CERS6: variants seen among roughly 807,000 people sequenced by gnomAD.
The protein encoded by CERS6 is ceramide synthase 6.
Under a neutral mutation model 56.8 loss-of-function variants are expected in CERS6, and 26 were observed. The observed-to-expected ratio is 0.46, with a 90% CI of 0.34 to 0.63. The LOEUF is 0.63. Ranked by LOEUF, CERS6 falls within the 30% of genes least tolerant of loss-of-function variation. The probability of loss-of-function intolerance (pLI) is 0.01; values close to 1 mark genes in which losing one functional copy is unlikely to be tolerated. For missense variants in CERS6, 415 were observed against 467.5 expected, an observed-to-expected ratio of 0.89 and a Z score of 1.04; for synonymous variants, 164 against 173.3, an observed-to-expected ratio of 0.95 and a Z score of 0.42.
At chr2:168,689,555 A>G (rs1686445016) in intron 4 of CERS6, among the ~76,000 whole-genome samples, 1 of 152,164 alleles carries the variant, frequency 6.6e-6, no homozygotes, top group Non-Finnish European at 1.5e-5. Flanking sequence ...CCTCCCAAGT[A>G]GTTTTATGCA....
At chr2:168,525,935 T>A (rs1020306376) in intron 1 of CERS6, among the ~76,000 whole-genome samples, 1 of 152,228 alleles carries the variant, frequency 6.6e-6, no homozygotes, top group Non-Finnish European at 1.5e-5. Flanking sequence ...CTTTGATATT[T>A]ACTTGCACAT....
intron 4 of CERS6, among the ~76,000 whole-genome samples, chr2:168,665,327 G>A (rs186914818): frequency 7.2e-5 from 11 of 151,998 alleles, no homozygotes; most frequent in Non-Finnish European, 1.3e-4. Flanking sequence ...ATTGAAATAC[G>A]GTGGGTATAA....
At chr2:168,583,624 G>A (rs1683473337) in intron 3 of CERS6, among the ~76,000 whole-genome samples, 1 of 152,160 alleles carries the variant, frequency 6.6e-6, no homozygotes, top group South Asian at 2.1e-4. Context: ...CCTTAATATT[G>A]TCAGGGTTGT....
At chr2:168,516,834 G>C (rs934933421) in intron 1 of CERS6, among the ~76,000 whole-genome samples, 20 of 152,062 alleles carry the variant, frequency 1.3e-4, no homozygotes, top group Non-Finnish European at 1.6e-4. Flanking sequence ...AGCCCATTTA[G>C]TTTCTGAACA....
At chr2:168,627,235 A>G (rs1287854572) in intron 3 of CERS6, among the ~76,000 whole-genome samples, 2 of 152,208 alleles carry the variant, frequency 1.3e-5, no homozygotes, top group African/African-American at 4.8e-5. Flanking sequence ...ATTATCCCTT[A>G]AAAACAAGAG....
At chr2:168,542,629 T>A (rs1481030259) in intron 1 of CERS6, among the ~76,000 whole-genome samples, 1 of 152,182 alleles carries the variant, frequency 6.6e-6, no homozygotes, top group Non-Finnish European at 1.5e-5. Context: ...TTATTTTTTT[T>A]AATAACCACC....
At chr2:168,625,270 A>G (rs1574108926) in intron 3 of CERS6, among the ~76,000 whole-genome samples, 1 of 152,182 alleles carries the variant, frequency 6.6e-6, no homozygotes, top group Admixed American at 6.5e-5. Context: ...TTCATTAGCT[A>G]TACCATTCCA....
chr2:168,577,361 GGGT>G (rs1280905796), intron 3 of CERS6, among the ~76,000 whole-genome samples: 1 of 152,146 alleles, frequency 6.6e-6, no homozygotes, highest in Non-Finnish European at 1.5e-5. Flanking sequence ...AGAGCAGTTT[GGGT>G]GGAAGGTCTT....
chr2:168,763,551 C>T (rs1684641801), intron 8 of CERS6, among the ~76,000 whole-genome samples: 1 of 152,102 alleles, frequency 6.6e-6, no homozygotes, highest in Non-Finnish European at 1.5e-5. Flanking sequence ...CGTGAGCCAT[C>T]GTGCCTGGCC....
At chr2:168,508,688 A>T (rs1020279498) in intron 1 of CERS6, among the ~76,000 whole-genome samples, 2 of 151,518 alleles carry the variant, frequency 1.3e-5, no homozygotes, top group Admixed American at 1.3e-4. Context: ...AGGGAGGGGA[A>T]CATCACACAC....
chr2:168,524,278 T>TA (rs1695032503), intron 1 of CERS6, among the ~76,000 whole-genome samples: 1 of 152,228 alleles, frequency 6.6e-6, no homozygotes, highest in Non-Finnish European at 1.5e-5. Context: ...GCTCATGACT[T>TA]ACATTAGTTT....
At chr2:168,555,722 C>CTCTGTGTGTGTGTG (rs1261403157) in intron 2 of CERS6, among the ~76,000 whole-genome samples, 3 of 140,920 alleles carry the variant, frequency 2.1e-5, no homozygotes, top group East Asian at 4.1e-4. Flanking sequence ...ATAATTGACT[C>CTCTGTGTGTGTGTG]TGTGTGTGTG....
intron 3 of CERS6, among the ~76,000 whole-genome samples, chr2:168,580,014 T>C (rs753016284): frequency 2.6e-5 from 4 of 152,204 alleles, no homozygotes; most frequent in Non-Finnish European, 5.9e-5. Context: ...TGCCAACTTC[T>C]GCGCTAATCA....
At chr2:168,665,090 A>G (rs1449602852) in intron 4 of CERS6, among the ~76,000 whole-genome samples, 1 of 152,126 alleles carries the variant, frequency 6.6e-6, no homozygotes, top group Non-Finnish European at 1.5e-5. Flanking sequence ...ACCTACACAA[A>G]CACAGTTGCC....
intron 3 of CERS6, among the ~76,000 whole-genome samples, chr2:168,597,266 C>T (rs1683822486): frequency 6.6e-6 from 1 of 152,146 alleles, no homozygotes; most frequent in Non-Finnish European, 1.5e-5. Flanking sequence ...ATATAAATTG[C>T]ATGCTTGTAA....
chr2:168,621,954 G>A (rs538269731), intron 3 of CERS6, among the ~76,000 whole-genome samples: 2 of 152,310 alleles, frequency 1.3e-5, no homozygotes, highest in South Asian at 4.1e-4. Context: ...CTAAGTATGA[G>A]AGAAGGCAAA....
chr2:168,610,171 G>C (rs1044282315), intron 3 of CERS6, among the ~76,000 whole-genome samples: 1 of 151,918 alleles, frequency 6.6e-6, no homozygotes, highest in Non-Finnish European at 1.5e-5. Flanking sequence ...TAGAGACGGG[G>C]TTTCACCATG....
At chr2:168,510,104 A>C (rs1219845547) in intron 1 of CERS6, among the ~76,000 whole-genome samples, 1 of 152,140 alleles carries the variant, frequency 6.6e-6, no homozygotes, top group Non-Finnish European at 1.5e-5. Flanking sequence ...AAAAAAAAAA[A>C]AAACCAAGTT....
chr2:168,604,880 C>T (rs749912076), intron 3 of CERS6, among the ~76,000 whole-genome samples: 1 of 152,174 alleles, frequency 6.6e-6, no homozygotes, highest in South Asian at 2.1e-4. Flanking sequence ...TCAGGTATTT[C>T]TTTAGAGCCA....
Sources: gnomAD v4.1 joint callset for allele counts (sites outside exome capture counted in the v4.1 genomes callset) on GRCh38, gnomAD v4.1.1 for gene constraint, MANE v1.5 for transcripts, NCBI Gene and HGNC (gene_info 2026-07-23, HGNC 2026-07-21) for gene names.